PIEZO2: variants seen among roughly 807,000 people sequenced by gnomAD.
PIEZO2 encodes the protein piezo type mechanosensitive ion channel component 2, also known as piezo-type mechanosensitive ion channel component 2.
Under a neutral mutation model 337.3 loss-of-function variants are expected in PIEZO2, and 172 were observed. That is an observed-to-expected ratio of 0.51 (90% CI 0.45 to 0.58). The LOEUF (loss-of-function observed/expected upper bound fraction) is 0.58, where lower values mean the gene tolerates loss of function less well. Among genes scored for constraint, PIEZO2 ranks in the 20% least tolerant of loss-of-function variants. PIEZO2 has a pLI of 0.00. For synonymous variants in PIEZO2, 1,251 were observed against 1,228.5 expected (o/e 1.02, Z -0.38); for missense variants, 3,028 against 3,391.3 (o/e 0.89, Z 2.66).
At chr18:10,762,792 A>G in intron 22 of PIEZO2, 130 bp downstream of exon 22, 4 of 1,329,758 alleles carry the variant, frequency 3.0e-6, no homozygotes, top group East Asian at 2.5e-5. Flanking sequence ...GGCCCAGAGC[A>G]CGACCAGCCA....
chr18:10,726,386 C>T lies in PIEZO2; in HGVS notation c.5029+5021G>A. The stretch of plus-strand genomic sequence containing the variant: ...CCGCAGGCACCCACTACCTGCGGGG[C>T]GGTAACAACGCGCGCCAGCCGTGGC... On this transcript the variant is annotated intron_variant, in intron 36 of 55. Coordinates refer to ENST00000674853, the MANE Select transcript of PIEZO2 (RefSeq NM_001378183.1). This position sits in a 1 kb window ranked among gnomAD's most constrained non-coding sequence, Gnocchi z 5.9. 7 of 1,522,574 alleles carry T rather than the reference C, an allele frequency of 4.6e-6. No homozygotes were observed. The highest frequency in any genetic ancestry group is 1.4e-5 in the African/African-American group (1 of 72,654). The allele number at this position is 1,522,574 out of a possible 1,614,324, so 94.3% of individuals were successfully genotyped here. A position where few individuals can be genotyped will look rare whatever the true frequency, so the allele number is the denominator to read the frequency against.
Position 10,742,517 on chromosome 18 carries a change from T to C in PIEZO2, c.4613A>G (p.Lys1538Arg). 1 of 1,537,198 alleles carries C rather than the reference T, an allele frequency of 6.5e-7. No individual in the cohort carries two copies. The highest frequency in any genetic ancestry group is 1.2e-5 in the South Asian group (1 of 84,050). ...QEPGEGQDMQ[K>R]LSEEDDEREA... ...ACTTTCATCATCCTCTTCAGAGAGT[T>C]TTTGCATGTCCTGGCCTTCCCCTGG... The change falls in exon 32 of 56, where the codon AAA (lysine) becomes AGA (arginine). Residue 1538 changes from lysine to arginine, a missense_variant. This residue lies in a region of PIEZO2 where 1,925 missense variants were observed against 2,051.9 expected (regional missense o/e 0.94). Transcript: ENST00000674853.
In PIEZO2 at chr18:10,969,932, C is replaced by T. The variant is rs1301813533; in HGVS notation, c.286+9603G>A. ...CTCCTTTTTTTGGCTGCTATTAATT[C>T]ATTTATTCATTCTTCAATTGTTGGG... On this transcript the variant is annotated intron_variant, in intron 3 of 55. Transcript: ENST00000674853. The surrounding 1 kb of genome is among the most constrained non-coding windows in gnomAD (Gnocchi z 4.5). 1.3e-5 allele frequency among the ~76,000 whole-genome samples: 2 copies of T among 151,880 alleles called. No individual in the cohort carries two copies. Among genetic ancestry groups the T allele is most frequent in the Non-Finnish European group, 2.9e-5 (2 of 68,000 alleles).
intron 2 of PIEZO2, among the ~76,000 whole-genome samples, chr18:10,989,480 A>G (rs1181158654): frequency 6.9e-6 from 1 of 143,950 alleles, no homozygotes; most frequent in Non-Finnish European, 1.6e-5. Context: ...GCAAAAACAT[A>G]AGCTCTAAGA....
Position 10,979,725 on chromosome 18 carries a change from T to C in PIEZO2, c.161-65A>G. 1 of 1,404,970 alleles carries C rather than the reference T, an allele frequency of 7.1e-7. No individual in the cohort carries two copies. Among genetic ancestry groups the C allele is most frequent in the Non-Finnish European group, 9.4e-7 (1 of 1,063,944 alleles). 87.0% of individuals were successfully genotyped at this position (1,404,970 alleles called of 1,614,324 possible). A position where few individuals can be genotyped will look rare whatever the true frequency, so the allele number is the denominator to read the frequency against. On this transcript the variant is annotated intron_variant, in intron 2 of 55. Transcript: ENST00000674853. The surrounding 1 kb of genome is among the most constrained non-coding windows in gnomAD (Gnocchi z 4.0). The stretch of plus-strand genomic sequence containing the variant: ...GATGAAACACACTGGTGCTGTCTCT[T>C]GTACATATTTCTGTATAACCTATTA...
At chr18:10,946,493 G>A (rs1480913828) in intron 3 of PIEZO2, among the ~76,000 whole-genome samples, 1 of 152,178 alleles carries the variant, frequency 6.6e-6, no homozygotes, top group Non-Finnish European at 1.5e-5. Context: ...GGTGTTAACA[G>A]GGTTGAGCAA....
Position 10,993,419 on chromosome 18 carries a change from AG to A in PIEZO2, c.161-13760del, listed in dbSNP as rs1361960647. 6.6e-6 allele frequency among the ~76,000 whole-genome samples: 1 copy of A among 152,176 alleles called. No homozygotes were observed. The highest frequency in any genetic ancestry group is 1.5e-5 in the Non-Finnish European group (1 of 68,028). On this transcript the variant is annotated intron_variant, in intron 2 of 55. Coordinates refer to ENST00000674853, the MANE Select transcript of PIEZO2 (RefSeq NM_001378183.1). The surrounding 1 kb of genome is among the most constrained non-coding windows in gnomAD (Gnocchi z 5.0). Reference sequence around the variant, plus strand: ...AGTTTATTGAGAGTTTTTAGCATGAAGGGGTGTTGAATTTTGTTGAAAGCCT... The same window carrying A: ...AGTTTATTGAGAGTTTTTAGCATGAAGGGTGTTGAATTTTGTTGAAAGCCT...
At chr18:10,708,005 T>C (rs2035657045) in intron 40 of PIEZO2, among the ~76,000 whole-genome samples, 1 of 152,226 alleles carries the variant, frequency 6.6e-6, no homozygotes. Context: ...TTTGAAATAC[T>C]GAAAACATGG....
intron 43 of PIEZO2, among the ~76,000 whole-genome samples, chr18:10,700,392 T>C (rs2035281120): frequency 6.6e-6 from 1 of 151,942 alleles, no homozygotes; most frequent in South Asian, 2.1e-4. Context: ...AAAAGATTTA[T>C]CATTCTAAAA....
rs7241504 is a variant in PIEZO2 at position 10,718,791 on chromosome 18, A to G, written c.5030-532T>C. Reference sequence around the variant, plus strand: ...CTTTGGGAGGTTGAGGAGAGAGGATAGCTTGAGCCCAGGAGTTTGAGACCA... The same window carrying G: ...CTTTGGGAGGTTGAGGAGAGAGGATGGCTTGAGCCCAGGAGTTTGAGACCA... On this transcript the variant is annotated intron_variant, in intron 36 of 55. Coordinates refer to ENST00000674853, the MANE Select transcript of PIEZO2 (RefSeq NM_001378183.1). Among the ~76,000 whole-genome samples the G allele has an allele frequency of 4.5e-3, 681 of 152,092 alleles. 4 individuals carry two copies. Among genetic ancestry groups the G allele is most frequent in the Non-Finnish European group, 8.1e-3 (548 of 68,000 alleles).
At chr18:10,806,569 G>C (rs1451006456) in intron 8 of PIEZO2, among the ~76,000 whole-genome samples, 1 of 151,866 alleles carries the variant, frequency 6.6e-6, no homozygotes, top group Non-Finnish European at 1.5e-5. Flanking sequence ...CCAAGAGCTG[G>C]GCTATCACTC....
Position 10,677,719 on chromosome 18 carries a change from C to A in PIEZO2, c.8081+28G>T, listed in dbSNP as rs535545779. ...TACCAGCTGCATATACCTAACAAAG[C>A]TCTATTAGTAGGAAAAAATACACTT... On this transcript the variant is annotated intron_variant, in intron 53 of 55. Transcript: ENST00000674853. This position sits in a 1 kb window ranked among gnomAD's most constrained non-coding sequence, Gnocchi z 4.1. 1.8e-5 allele frequency: 29 copies of A among 1,602,332 alleles called. No individual in the cohort carries two copies. Among genetic ancestry groups the A allele is most frequent in the African/African-American group, 2.7e-5 (2 of 74,138 alleles).
At chr18:10,959,393 T>C (rs1380122066) in intron 3 of PIEZO2, among the ~76,000 whole-genome samples, 1 of 152,190 alleles carries the variant, frequency 6.6e-6, no homozygotes, top group African/African-American at 2.4e-5. Context: ...TAAGTTTGGA[T>C]TATTTAATTA....
chr18:10,976,999 A>ATGTGTG (rs1491283264), intron 3 of PIEZO2, among the ~76,000 whole-genome samples: 2,954 of 49,802 alleles, frequency 0.059, 38 homozygotes, highest in African/African-American at 0.098. Flanking sequence ...GCAAGAACAA[A>ATGTGTG]TATGTGTGTG....
At chr18:10,751,892 ACTAGTGGG>A (rs1020598588) in intron 28 of PIEZO2, among the ~76,000 whole-genome samples, 1 of 152,190 alleles carries the variant, frequency 6.6e-6, no homozygotes, top group African/African-American at 2.4e-5. Context: ...CTCTGGAATT[ACTAGTGGG>A]CAGTGTGAGT....
chr18:10,722,478 C>G (rs2036357884), intron 36 of PIEZO2, among the ~76,000 whole-genome samples: 1 of 152,028 alleles, frequency 6.6e-6, no homozygotes, highest in Non-Finnish European at 1.5e-5. Flanking sequence ...AATCTGCCCC[C>G]TTCGGCCTCC....
rs11659255 is a variant in PIEZO2 at position 10,767,994 on chromosome 18, G to C, written c.2946+2154C>G. On this transcript the variant is annotated intron_variant, in intron 21 of 55. Coordinates refer to ENST00000674853, the MANE Select transcript of PIEZO2 (RefSeq NM_001378183.1). The surrounding 1 kb of genome is among the most constrained non-coding windows in gnomAD (Gnocchi z 4.2). The stretch of plus-strand genomic sequence containing the variant: ...TCCCCATCCCAGGGGGCCTTGCCCT[G>C]AGCCTGTGAGTCTGAGCTCCAGCCC... Among the ~76,000 whole-genome samples, 114,035 of 152,176 alleles carry C rather than the reference G, an allele frequency of 0.75. 43,012 individuals are homozygous for C. The highest frequency in any genetic ancestry group is 0.89 in the East Asian group (4,596 of 5,154).
chr18:10,841,359 G>T (rs1372905571), intron 7 of PIEZO2, among the ~76,000 whole-genome samples: 1 of 152,098 alleles, frequency 6.6e-6, no homozygotes, highest in East Asian at 1.9e-4. Context: ...AAAGAGTTTG[G>T]CAAGTTTCAT....
chr18:10,744,902 G>A (rs1299287546), intron 30 of PIEZO2, among the ~76,000 whole-genome samples: 5 of 152,218 alleles, frequency 3.3e-5, no homozygotes, highest in African/African-American at 1.2e-4. Context: ...CCTGTCCTGA[G>A]AGGGGCTGTT....
Sources: gnomAD v4.1 joint callset for allele counts (sites outside exome capture counted in the v4.1 genomes callset) on GRCh38, gnomAD v4.1.1 for gene constraint, gnomAD v4.1.1 regional missense constraint, Gnocchi (gnomAD v3.1) non-coding constraint, MANE v1.5 for transcripts, NCBI Gene and HGNC (gene_info 2026-07-23, HGNC 2026-07-21) for gene names.